Variants in DPP8 observed in about 807,000 individuals in gnomAD.
DPP8 encodes the protein dipeptidyl peptidase 8.
Under a neutral mutation model 107.5 loss-of-function variants are expected in DPP8, and 31 were observed. The ratio of observed to expected loss-of-function variants is 0.29; its 90% CI spans 0.22 to 0.39. The LOEUF (loss-of-function observed/expected upper bound fraction) is 0.39. Among genes scored for constraint, DPP8 ranks in the 10% least tolerant of loss-of-function variants. DPP8 has a pLI of 1.00. For synonymous variants in DPP8, 381 were observed against 356.6 expected (o/e 1.07, Z -0.77); for missense variants, 842 against 1,076.1 (o/e 0.78, Z 3.04).
At chr15:65,482,046 T>A (rs1037087844) in intron 8 of DPP8, among the ~76,000 whole-genome samples, 9 of 151,596 alleles carry the variant, frequency 5.9e-5, no homozygotes, top group African/African-American at 1.7e-4. Flanking sequence ...ATATATATAT[T>A]TTTTGAGACA....
chr15:65,515,820 A>AT lies in DPP8; in HGVS notation c.-12+1665_-12+1666insA. On this transcript the variant is annotated intron_variant, in intron 1 of 19. Coordinates refer to ENST00000300141, the MANE Select transcript of DPP8 (RefSeq NM_130434.5). ...CTCACCAGGATAATGAAATAAGATA[A>AT]GACTTTGATCATTAAGATGGACCAT... The AT allele has an allele frequency of 3.4e-6, 3 of 871,134 alleles. No homozygotes were observed. In the South Asian group the frequency reaches 5.1e-5, roughly 15 times the overall value. 54.0% of individuals were successfully genotyped at this position (871,134 alleles called of 1,614,324 possible).
chr15:65,451,334 T>G (rs1438139591), intron 18 of DPP8, among the ~76,000 whole-genome samples: 4 of 152,212 alleles, frequency 2.6e-5, no homozygotes, highest in African/African-American at 4.8e-5. Context: ...ATTAAAATAT[T>G]AGAACACATC....
chr15:65,515,813 T>C, intron 1 of DPP8: 2 of 928,204 alleles, frequency 2.2e-6, no homozygotes, highest in East Asian at 5.1e-5. Flanking sequence ...GATAATGAAA[T>C]AAGATAAGAC....
intron 3 of DPP8, among the ~76,000 whole-genome samples, chr15:65,504,799 C>G (rs1359487703): frequency 6.6e-6 from 1 of 151,412 alleles, no homozygotes; most frequent in Non-Finnish European, 1.5e-5. Context: ...CTGGGCAGCA[C>G]AGTGAGACCC....
intron 17 of DPP8, 55 bp downstream of exon 17, chr15:65,454,208 T>C: frequency 7.6e-7 from 1 of 1,311,436 alleles, no homozygotes; most frequent in Non-Finnish European, 1.0e-6. Flanking sequence ...ATATCCTCCA[T>C]TTACAGAAAA....
intron 2 of DPP8, 78 bp downstream of exon 2, chr15:65,512,217 T>C (rs2070879474): frequency 3.6e-6 from 5 of 1,385,530 alleles, no homozygotes; most frequent in African/African-American, 2.9e-5. Context: ...CATCAAACTT[T>C]TGAGTGTCAA....
chr15:65,483,625 A>G (rs1223463233), intron 8 of DPP8, among the ~76,000 whole-genome samples: 5 of 151,338 alleles, frequency 3.3e-5, no homozygotes, highest in African/African-American at 4.9e-5. Flanking sequence ...AAAATAAAAT[A>G]AAATAAAATA....
chr15:65,513,540 C>A (rs2071072278), intron 1 of DPP8, among the ~76,000 whole-genome samples: 1 of 152,190 alleles, frequency 6.6e-6, no homozygotes, highest in African/African-American at 2.4e-5. Flanking sequence ...AGGAAATTTA[C>A]ATGACTATTC....
In DPP8 at chr15:65,454,364, G is replaced by A. The variant is rs2140360727; in HGVS notation, c.2170C>T (p.Arg724Ter). 2 of 1,603,898 alleles carry A rather than the reference G, an allele frequency of 1.2e-6. No homozygotes were observed. Among genetic ancestry groups the A allele is most frequent in the Non-Finnish European group, 1.7e-6 (2 of 1,176,464 alleles). Residue 724 changes from arginine to a stop codon, truncating the protein, a stop_gained, in exon 17 of 20, where the codon CGA becomes TGA. Transcript: ENST00000300141. LOFTEE classifies it high-confidence loss of function. Reference protein sequence around the residue: ...QVEGLQYLASRYDFIDLDRVG... With the variant: ...QVEGLQYLAS ...CGATCTAAGTCAATGAAATCATATC[G>A]AGAAGCTAGATATTGGAGTCCTTCC...
At chr15:65,487,166 T>A (rs1014307735) in intron 7 of DPP8, among the ~76,000 whole-genome samples, 1 of 152,038 alleles carries the variant, frequency 6.6e-6, no homozygotes, top group Non-Finnish European at 1.5e-5. Flanking sequence ...TTTTTTTTTC[T>A]GAGATAGAGT....
chr15:65,479,478 T>C (rs2066701049), intron 10 of DPP8, among the ~76,000 whole-genome samples: 1 of 152,112 alleles, frequency 6.6e-6, no homozygotes, highest in South Asian at 2.1e-4. Context: ...AGCTAGGAAG[T>C]GAGATGGCTT....
At chr15:65,480,457 T>A (rs1478646385) in intron 9 of DPP8, 58 bp from the exon 10 acceptor site, 1 of 1,331,648 alleles carries the variant, frequency 7.5e-7, no homozygotes, top group East Asian at 2.3e-5. Context: ...AGAAAAAGAT[T>A]TCCCTATTAT....
At chr15:65,516,434 A>C (rs77849211) in intron 1 of DPP8, 1 of 135,544 alleles carries the variant, frequency 7.4e-6, no homozygotes, top group Non-Finnish European at 1.6e-5. Flanking sequence ...CTGGCTTAGG[A>C]AAAAAAAAAA....
At chr15:65,462,933 T>G (rs1389560989) in intron 15 of DPP8, among the ~76,000 whole-genome samples, 1 of 152,186 alleles carries the variant, frequency 6.6e-6, no homozygotes, top group East Asian at 1.9e-4. Context: ...TGGCTAATAC[T>G]TAATCCAGAA....
rs1181508976 is a variant in DPP8, at chr15:65,457,841, T to TG, written c.1972-1471dup. ...TGGTGTCTCACTCTGTACCCCAGGC[T>TG]GGAGTGTGGTGGTACAATCATAGTT... On this transcript the variant is annotated intron_variant, in intron 15 of 19. Transcript: ENST00000300141. 2.0e-5 allele frequency among the ~76,000 whole-genome samples: 3 copies of TG among 152,258 alleles called. No individual in the cohort carries two copies. The East Asian group carries it at 5.8e-4, about 29-fold the overall frequency.
At chr15:65,512,026 C>T in intron 2 of DPP8, 1 of 586,940 alleles carries the variant, frequency 1.7e-6, no homozygotes, top group Non-Finnish European at 3.2e-6. Context: ...TAAAGAAAGG[C>T]ATTTCAAGCT....
At chr15:65,450,902 ACT>A in intron 19 of DPP8, 95 bp downstream of exon 19, 1 of 736,132 alleles carries the variant, frequency 1.4e-6, no homozygotes, top group Non-Finnish European at 2.3e-6. Flanking sequence ...GAGGGTGGAC[ACT>A]CTAAAAATCT....
At chr15:65,499,105 G>GTGTGTGTATATA (rs1555468189) in intron 4 of DPP8, among the ~76,000 whole-genome samples, 9 of 138,742 alleles carry the variant, frequency 6.5e-5, no homozygotes, top group African/African-American at 2.4e-4. Context: ...GTGTGTGTGT[G>GTGTGTGTATATA]TATATATAAA....
intron 19 of DPP8, among the ~76,000 whole-genome samples, chr15:65,448,863 AAAATATATATATAT>A (rs2063705480): frequency 1.2e-5 from 1 of 84,014 alleles, no homozygotes; most frequent in African/African-American, 4.4e-5. Flanking sequence ...ATATATATCT[AAAATATATATATAT>A]ATATATATAT....
Sources: gnomAD v4.1 joint callset for allele counts (sites outside exome capture counted in the v4.1 genomes callset) on GRCh38, gnomAD v4.1.1 for gene constraint, MANE v1.5 for transcripts, NCBI Gene and HGNC (gene_info 2026-07-23, HGNC 2026-07-21) for gene names.